PLXNC1: variants seen among roughly 807,000 people sequenced by gnomAD.
The protein encoded by PLXNC1 is plexin C1, also known as plexin-C1.
PLXNC1 carries 75 observed loss-of-function variants against 178.2 expected under a neutral mutation model. The ratio of observed to expected loss-of-function variants is 0.42; its 90% CI spans 0.35 to 0.51. The LOEUF (loss-of-function observed/expected upper bound fraction) is 0.51, where lower values mean the gene tolerates loss of function less well. Among genes scored for constraint, PLXNC1 ranks in the 20% least tolerant of loss-of-function variants. The pLI is 0.02. For missense variants in PLXNC1, 1,503 were observed against 1,984.4 expected, an observed-to-expected ratio of 0.76 and a Z score of 4.61; for synonymous variants, 790 against 779.9, an observed-to-expected ratio of 1.01 and a Z score of -0.22.
intron 1 of PLXNC1, among the ~76,000 whole-genome samples, chr12:94,156,329 G>A (rs1390355811): frequency 2.0e-5 from 3 of 152,146 alleles, no homozygotes; most frequent in African/African-American, 4.8e-5. Context: ...GCAAATGATG[G>A]ATGCTCCTTC....
chr12:94,178,005 T>A (rs1207427223), intron 2 of PLXNC1, among the ~76,000 whole-genome samples: 3 of 152,222 alleles, frequency 2.0e-5, no homozygotes, highest in African/African-American at 7.2e-5. Flanking sequence ...TTAGGATCAC[T>A]TACTATCCAG....
At chr12:94,254,942 TA>T in intron 16 of PLXNC1, 54 bp downstream of exon 16, 6 of 1,394,184 alleles carry the variant, frequency 4.3e-6, no homozygotes, top group Non-Finnish European at 5.0e-6. Flanking sequence ...TTTATACTTT[TA>T]TTTTTTTACC....
In PLXNC1 at chr12:94,149,211, C is replaced by T. The variant is rs1479759037; in HGVS notation, c.240C>T (p.Tyr80=). ...TGGAGCACAGCCTCTCGCGCCTGTACCGGGACCAAGCGGGCAACTGCACAG... is the reference window on the plus strand; with the variant it reads ...TGGAGCACAGCCTCTCGCGCCTGTATCGGGACCAAGCGGGCAACTGCACAG... ...YSLEHSLSRL[Y]RDQAGNCTEP... Residue 80 remains tyrosine, a synonymous_variant, in exon 1 of 31, where the codon TAC becomes TAT. Coordinates refer to ENST00000258526, the MANE Select transcript of PLXNC1 (RefSeq NM_005761.3). The T allele has an allele frequency of 7.6e-6, 12 of 1,586,112 alleles. No individual in the cohort carries two copies. The highest frequency in any genetic ancestry group is 1.7e-5 in the Admixed American group (1 of 57,966).
At chr12:94,300,739 TTTC>T (rs1388952056) in intron 27 of PLXNC1, among the ~76,000 whole-genome samples, 168 bp from the exon 28 acceptor site, 1 of 152,214 alleles carries the variant, frequency 6.6e-6, no homozygotes, top group East Asian at 1.9e-4. Flanking sequence ...CAGTTAACCC[TTTC>T]TTCTTCTCTC....
chr12:94,159,088 CT>C (rs1367746512), intron 1 of PLXNC1, among the ~76,000 whole-genome samples: 2 of 152,188 alleles, frequency 1.3e-5, no homozygotes, highest in African/African-American at 4.8e-5. Context: ...TGTTCGAATA[CT>C]TTCTTGAGCT....
At chr12:94,190,642 A>G (rs1199841421) in intron 4 of PLXNC1, among the ~76,000 whole-genome samples, 1 of 152,136 alleles carries the variant, frequency 6.6e-6, no homozygotes, top group Admixed American at 6.5e-5. Context: ...TCCCCAGCTT[A>G]ATACCCTCCC....
At chr12:94,277,683 A>G (rs1966077936) in intron 21 of PLXNC1, 2 of 332,892 alleles carry the variant, frequency 6.0e-6, no homozygotes, top group African/African-American at 2.2e-5. Context: ...GATACTGAGC[A>G]TGGAGTGGGC....
At chr12:94,208,667 G>A (rs1963376977) in intron 4 of PLXNC1, among the ~76,000 whole-genome samples, 1 of 152,230 alleles carries the variant, frequency 6.6e-6, no homozygotes, top group Non-Finnish European at 1.5e-5. Context: ...TTGAGGAGGT[G>A]TAGTACTAGA....
chr12:94,167,444 G>A (rs774045842), intron 1 of PLXNC1, among the ~76,000 whole-genome samples: 16 of 152,184 alleles, frequency 1.1e-4, no homozygotes, highest in African/African-American at 2.2e-4. Flanking sequence ...CCTATTCTCC[G>A]CGTTAGCCTC....
Position 94,226,613 on chromosome 12 carries a change from C to A in PLXNC1, c.1799C>A (p.Ala600Glu), listed in dbSNP as rs761769748. 7.4e-6 allele frequency: 12 copies of A among 1,611,738 alleles called. No homozygotes were observed. The highest frequency in any genetic ancestry group is 1.0e-5 in the Non-Finnish European group (12 of 1,178,072). The change falls in exon 8 of 31, where the codon GCA becomes GAA. Residue 600 changes from alanine (A) to glutamate (E), a missense_variant. Physicochemically the swap from Ala to Glu is moderately radical, Grantham distance 107 (BLOSUM62 -1). Transcript: ENST00000258526. ...TNCSSLKECPACVETGCAWCK... is the reference protein window; with the variant it reads ...TNCSSLKECPECVETGCAWCK... ...GTTTTCTGTGTTGCTAGATGCCCAG[C>A]ATGCGTAGAAACTGGCTGCGCGTGG... is the stretch of plus-strand genomic sequence containing the variant.
rs577965250 is a variant in PLXNC1 at position 94,167,252 on chromosome 12, A to G, written c.1063-1901A>G. 3.9e-5 allele frequency among the ~76,000 whole-genome samples: 6 copies of G among 152,336 alleles called. No individual in the cohort carries two copies. The South Asian group carries it at 1.2e-3, about 32-fold the overall frequency. On this transcript the variant is annotated intron_variant, in intron 1 of 30. Transcript: ENST00000258526. ...CCCATGGTTCTTGGTGAATTAGAAC[A>G]GGTACAGTATTAAGCACCTACTGTA...
chr12:94,176,509 G>A lies in PLXNC1; in HGVS notation c.1204-4937G>A, dbSNP rs548191442. The A allele has an allele frequency of 2.0e-5, 3 of 152,260 alleles. No homozygotes were observed. In the South Asian group the frequency reaches 6.2e-4, roughly 32 times the overall value. The allele number at this position is 152,260 out of a possible 1,614,324, so 9.4% of individuals were successfully genotyped here. Reference sequence around the variant, plus strand: ...AAACTTCCTCTTGTCCTGTCCTCAGGATTATGGAGAGCATTGTTTGCATAA... The same window carrying A: ...AAACTTCCTCTTGTCCTGTCCTCAGAATTATGGAGAGCATTGTTTGCATAA... On this transcript the variant is annotated intron_variant, in intron 2 of 30. Coordinates refer to ENST00000258526, the MANE Select transcript of PLXNC1 (RefSeq NM_005761.3).
chr12:94,291,143 C>T (rs757543445), intron 23 of PLXNC1, among the ~76,000 whole-genome samples: 10 of 152,202 alleles, frequency 6.6e-5, no homozygotes, highest in Non-Finnish European at 1.0e-4. Flanking sequence ...TAGGTGAGAA[C>T]GCTTGATTTT....
At chr12:94,169,884 C>T (rs1005551879) in intron 2 of PLXNC1, among the ~76,000 whole-genome samples, 2 of 151,992 alleles carry the variant, frequency 1.3e-5, no homozygotes, top group African/African-American at 4.8e-5. Context: ...GTGGACACAC[C>T]CCGGTCAAGT....
intron 4 of PLXNC1, among the ~76,000 whole-genome samples, chr12:94,197,437 T>TTCTCTCTCTCTCTCTC (rs61069982): frequency 2.0e-5 from 3 of 148,542 alleles, no homozygotes; most frequent in African/African-American, 7.5e-5. Context: ...TTAGGCCCCT[T>TTCTCTCTCTCTCTCTC]TCTCTCTCTC....
intron 1 of PLXNC1, among the ~76,000 whole-genome samples, chr12:94,163,542 T>C (rs1284319286): frequency 6.6e-6 from 1 of 151,820 alleles, no homozygotes; most frequent in Non-Finnish European, 1.5e-5. Context: ...GAAGGAAGGA[T>C]GAATCTTGGA....
intron 4 of PLXNC1, among the ~76,000 whole-genome samples, chr12:94,204,316 T>C (rs1008697367): frequency 6.6e-6 from 1 of 152,244 alleles, no homozygotes; most frequent in Admixed American, 6.5e-5. Context: ...CAGCTATGCC[T>C]CAGTTTCCCA....
rs1290525889 is a variant in PLXNC1 at position 94,298,787 on chromosome 12, A to G, written c.4230A>G (p.Lys1410=). The change falls in exon 27 of 31, where the codon AAA becomes AAG. Residue 1410 remains lysine, a synonymous_variant. Transcript: ENST00000258526. ...ITDPDVVHIW[K]TNSLPLRFWV... The stretch of plus-strand genomic sequence containing the variant: ...ATCCTGACGTCGTACATATTTGGAA[A>G]ACAAACAGGTGGGAATGTAGGTGAT... 1.2e-6 allele frequency: 2 copies of G among 1,610,566 alleles called. No homozygotes were observed. The highest frequency in any genetic ancestry group is 1.1e-5 in the South Asian group (1 of 89,832).
intron 8 of PLXNC1, 25 bp downstream of exon 8, chr12:94,226,732 A>T (rs568102972): frequency 2.6e-6 from 4 of 1,523,690 alleles, no homozygotes; most frequent in Non-Finnish European, 3.6e-6. Context: ...TTGGTATTGT[A>T]AGTCTTAACC....
Sources: allele counts gnomAD v4.1 joint callset (sites outside exome capture counted in the v4.1 genomes callset), GRCh38; gene constraint gnomAD v4.1.1; transcripts MANE v1.5; gene names NCBI Gene and HGNC (gene_info 2026-07-23, HGNC 2026-07-21).